The following NEXMIF variants were observed in gnomAD, a reference collection of about 807,000 sequenced individuals.
NEXMIF encodes the protein XLMR protein related to neurite extension.
In NEXMIF, 8 loss-of-function variants were observed where a neutral mutation model predicts 62.1. The observed-to-expected ratio is 0.13, with a 90% CI of 0.08 to 0.23. The LOEUF is 0.23. Among genes scored for constraint, NEXMIF ranks in the 10% least tolerant of loss-of-function variants. The probability of loss-of-function intolerance (pLI) is 1.00; values close to 1 mark genes in which losing one functional copy is unlikely to be tolerated. For synonymous variants in NEXMIF, 404 were observed against 416.6 expected, an observed-to-expected ratio of 0.97 and a Z score of 0.37; for missense variants, 976 against 1,113.3, an observed-to-expected ratio of 0.88 and a Z score of 1.75.
At chrX:74,874,564 A>G (rs1464526092) in intron 1 of NEXMIF, among the ~76,000 whole-genome samples, 1 of 100,539 alleles carries the variant, frequency 9.9e-6, no homozygotes, top group Non-Finnish European at 2.0e-5. Context: ...ATGGCATTGA[A>G]TCTGTAAATT....
At chrX:74,787,294 GAA>G (rs34477446) in intron 1 of NEXMIF, among the ~76,000 whole-genome samples, 2 of 94,920 alleles carry the variant, frequency 2.1e-5, no homozygotes, top group Admixed American at 1.2e-4. Context: ...AAAGAAAAAA[GAA>G]AAAAAAAAAA....
chrX:74,792,770 C>G, intron 1 of NEXMIF, among the ~76,000 whole-genome samples: 1 of 79,576 alleles, frequency 1.3e-5, no homozygotes, highest in Non-Finnish European at 2.4e-5. Flanking sequence ...GGTTTAAAGT[C>G]TGTTTTATCA....
intron 1 of NEXMIF, among the ~76,000 whole-genome samples, chrX:74,766,881 C>T (rs190732444): frequency 8.9e-6 from 1 of 111,862 alleles, no homozygotes; most frequent in East Asian, 2.8e-4. Context: ...GCTTGGCTGC[C>T]TCTGATTGAA....
intron 1 of NEXMIF, among the ~76,000 whole-genome samples, chrX:74,874,310 T>A (rs12384909): frequency 9.9e-6 from 1 of 100,882 alleles, no homozygotes; most frequent in African/African-American, 3.7e-5. Context: ...TGTAGATATG[T>A]GGCATTATTT....
rs1162067339 is a variant in NEXMIF, at chrX:74,737,102, A to AT, written c.*2302dup. On this transcript the variant is annotated 3_prime_UTR_variant, in exon 4 of 4. Coordinates refer to ENST00000055682, the MANE Select transcript of NEXMIF (RefSeq NM_001008537.3). ...ATTGTATTAATGGAACATTTTCTTT[A>AT]TTTTTTCATTAATTGCCACCTTTTC... The AT allele has an allele frequency of 9.0e-6, 1 of 111,601 alleles. No homozygotes were observed. Among genetic ancestry groups the AT allele is most frequent in the Non-Finnish European group, 1.9e-5 (1 of 53,051 alleles). The allele number at this position is 111,601 out of a possible 1,213,427, so 9.2% of individuals were successfully genotyped here. A position where few individuals can be genotyped will look rare whatever the true frequency, so the allele number is the denominator to read the frequency against.
intron 1 of NEXMIF, among the ~76,000 whole-genome samples, chrX:74,905,113 A>G (rs1012441397): frequency 8.9e-6 from 1 of 111,908 alleles, no homozygotes; most frequent in African/African-American, 3.3e-5. Flanking sequence ...TCCAGGGTAC[A>G]GTTTGAGTAG....
At chrX:74,790,686 C>G (rs1455700108) in intron 1 of NEXMIF, among the ~76,000 whole-genome samples, 1 of 113,453 alleles carries the variant, frequency 8.8e-6, no homozygotes, top group African/African-American at 3.2e-5. Flanking sequence ...TGAAGAGGTC[C>G]TTCACATCCC....
At chrX:74,868,357 C>A (rs2080587645) in intron 1 of NEXMIF, among the ~76,000 whole-genome samples, 1 of 111,705 alleles carries the variant, frequency 9.0e-6, no homozygotes, top group African/African-American at 3.3e-5. Context: ...TTCACAATAG[C>A]AAAGACATGG....
chrX:74,750,801 G>A lies in NEXMIF; in HGVS notation c.-47-5104C>T, dbSNP rs551253362. The stretch of plus-strand genomic sequence containing the variant: ...CAGGAAACATGCTTAAATGAGCAAC[G>A]ATACAAGTTTTAACAATATTAAGGG... On this transcript the variant is annotated intron_variant, in intron 1 of 3. Coordinates refer to ENST00000055682, the MANE Select transcript of NEXMIF (RefSeq NM_001008537.3). Among the ~76,000 whole-genome samples, 11 of 111,713 alleles carry A rather than the reference G, an allele frequency of 9.8e-5. No individual in the cohort carries two copies. In the South Asian group the frequency reaches 2.6e-3, roughly 27 times the overall value.
chrX:74,763,734 T>C (rs890246733), intron 1 of NEXMIF, among the ~76,000 whole-genome samples: 13 of 111,321 alleles, frequency 1.2e-4, no homozygotes, highest in Admixed American at 1.9e-4. Context: ...AAGCCAATTG[T>C]GAATGGGAGT....
chrX:74,821,559 G>C (rs1031211475), intron 1 of NEXMIF, among the ~76,000 whole-genome samples: 1 of 111,806 alleles, frequency 8.9e-6, no homozygotes, highest in Non-Finnish European at 1.9e-5. Flanking sequence ...CCTAAGATGG[G>C]GGACAGAGAG....
At chrX:74,898,236 G>C (rs1640431527) in intron 1 of NEXMIF, among the ~76,000 whole-genome samples, 1 of 112,264 alleles carries the variant, frequency 8.9e-6, no homozygotes, top group Admixed American at 9.4e-5. Context: ...CGTGTTGATA[G>C]CATGTATCCT....
intron 1 of NEXMIF, among the ~76,000 whole-genome samples, chrX:74,886,873 G>A (rs1333625566): frequency 9.5e-6 from 1 of 105,184 alleles, no homozygotes; most frequent in Non-Finnish European, 1.9e-5. Context: ...CAAAGCTGGA[G>A]GCATCACGCT....
chrX:74,818,824 T>C (rs763099275), intron 1 of NEXMIF, among the ~76,000 whole-genome samples: 1 of 111,927 alleles, frequency 8.9e-6, no homozygotes, highest in Non-Finnish European at 1.9e-5. Flanking sequence ...AAACAAGACA[T>C]GCATGTGGCC....
chrX:74,903,496 G>A (rs1225296825), intron 1 of NEXMIF, among the ~76,000 whole-genome samples: 2 of 110,612 alleles, frequency 1.8e-5, no homozygotes, highest in Admixed American at 1.9e-4. Context: ...AAACTGGCAA[G>A]CACTTCAGAA....
intron 1 of NEXMIF, among the ~76,000 whole-genome samples, chrX:74,841,772 G>C (rs1216967079): frequency 1.8e-5 from 2 of 112,089 alleles, no homozygotes; most frequent in African/African-American, 3.2e-5. Flanking sequence ...TTTATGTGAT[G>C]AATCACATTT....
At position 74,737,241 on chromosome X, in the gene NEXMIF, A is replaced by C. The variant is rs750756869; in HGVS notation, c.*2164T>G. ...ATTCCAAGCCAAAATTCAGCTGCAA[A>C]ACAGAAAAATCAAAAACAAAAACAA... On this transcript the variant is annotated 3_prime_UTR_variant, in exon 4 of 4. Coordinates refer to ENST00000055682, the MANE Select transcript of NEXMIF (RefSeq NM_001008537.3). 1 of 111,809 alleles carries C rather than the reference A, an allele frequency of 8.9e-6. No homozygotes were observed. The highest frequency in any genetic ancestry group is 3.7e-4 in the South Asian group (1 of 2,670). 9.2% of individuals were successfully genotyped at this position (111,809 alleles called of 1,213,427 possible).
intron 1 of NEXMIF, among the ~76,000 whole-genome samples, chrX:74,832,794 A>C (rs1186193847): frequency 9.0e-6 from 1 of 111,110 alleles, no homozygotes; most frequent in Non-Finnish European, 1.9e-5. Context: ...ATTGTGTCCC[A>C]CATGTTTTTG....
chrX:74,803,666 C>T (rs2080336722), intron 1 of NEXMIF, among the ~76,000 whole-genome samples: 1 of 110,318 alleles, frequency 9.1e-6, no homozygotes, highest in Non-Finnish European at 1.9e-5. Flanking sequence ...AAGAAACAAA[C>T]AATATACAAT....
Sources: gnomAD v4.1 joint callset for allele counts (sites outside exome capture counted in the v4.1 genomes callset) on GRCh38, gnomAD v4.1.1 for gene constraint, MANE v1.5 for transcripts, NCBI Gene and HGNC (gene_info 2026-07-23, HGNC 2026-07-21) for gene names.